Variants in EPB41L5 observed in about 807,000 individuals in gnomAD.
EPB41L5 encodes the protein band 4.1-like protein 5.
EPB41L5 carries 55 observed loss-of-function variants against 106.6 expected under a neutral mutation model. The observed-to-expected ratio is 0.52, with a 90% CI of 0.42 to 0.65. EPB41L5 has a LOEUF of 0.65. Among genes scored for constraint, EPB41L5 ranks in the 30% least tolerant of loss-of-function variants. The pLI, the probability that EPB41L5 is intolerant of heterozygous loss-of-function variation, is 0.00. For synonymous variants in EPB41L5, 297 were observed against 306.7 expected, an observed-to-expected ratio of 0.97 and a Z score of 0.33; for missense variants, 871 against 882.1, an observed-to-expected ratio of 0.99 and a Z score of 0.16.
chr2:120,069,052 C>T (rs1681661831), intron 3 of EPB41L5, among the ~76,000 whole-genome samples: 2 of 143,806 alleles, frequency 1.4e-5, no homozygotes, highest in South Asian at 4.5e-4. Flanking sequence ...CTCTTGAATC[C>T]AGGATGCAGA....
intron 18 of EPB41L5, among the ~76,000 whole-genome samples, chr2:120,140,936 A>T (rs1574744232): frequency 6.6e-6 from 1 of 152,092 alleles, no homozygotes; most frequent in South Asian, 2.1e-4. Context: ...ACCTACTGAA[A>T]ATAAAATACG....
chr2:120,040,243 T>G (rs957424959), intron 2 of EPB41L5, among the ~76,000 whole-genome samples: 1 of 152,080 alleles, frequency 6.6e-6, no homozygotes, highest in African/African-American at 2.4e-5. Flanking sequence ...GAGGTCCATA[T>G]AGAATACAAT....
intron 2 of EPB41L5, among the ~76,000 whole-genome samples, chr2:120,027,386 CGT>C (rs1353371173): frequency 3.9e-5 from 6 of 152,076 alleles, no homozygotes; most frequent in Non-Finnish European, 5.9e-5. Context: ...ACTGCTAAAA[CGT>C]AGATGAATTT....
At chr2:120,032,450 A>G (rs1181382933) in intron 2 of EPB41L5, among the ~76,000 whole-genome samples, 2 of 152,228 alleles carry the variant, frequency 1.3e-5, no homozygotes, top group Non-Finnish European at 2.9e-5. Flanking sequence ...AGGAACAGCT[A>G]GGAAGGACTA....
At position 120,177,028 on chromosome 2, in the gene EPB41L5, G is replaced by A. The variant is rs1437209562; in HGVS notation, c.*2121G>A. 6.6e-6 allele frequency: 1 copy of A among 152,168 alleles called. No individual in the cohort carries two copies. The highest frequency in any genetic ancestry group is 1.5e-5 in the Non-Finnish European group (1 of 68,042). 9.4% of individuals were successfully genotyped at this position (152,168 alleles called of 1,614,324 possible). On this transcript the variant is annotated 3_prime_UTR_variant, in exon 25 of 25. Coordinates refer to ENST00000263713, the MANE Select transcript of EPB41L5 (RefSeq NM_020909.4). ...TGCCCTGACATGAAGTGGCAAACAC[G>A]GAAGTTCATACTTGAATGCTGAATT...
chr2:120,154,758 C>G (rs1028260768), intron 20 of EPB41L5, among the ~76,000 whole-genome samples: 1 of 151,920 alleles, frequency 6.6e-6, no homozygotes, highest in Admixed American at 6.6e-5. Context: ...AACCCCGTCT[C>G]TGCTAAAAAT....
intron 13 of EPB41L5, among the ~76,000 whole-genome samples, chr2:120,092,766 T>A (rs1683499101): frequency 6.6e-6 from 1 of 152,222 alleles, no homozygotes; most frequent in Non-Finnish European, 1.5e-5. Context: ...AGTTTCCTCT[T>A]GGTTTCCACT....
At chr2:120,156,223 T>A (rs1421751205) in intron 20 of EPB41L5, among the ~76,000 whole-genome samples, 3 of 152,176 alleles carry the variant, frequency 2.0e-5, no homozygotes, top group Admixed American at 2.0e-4. Flanking sequence ...CTTGGTCTGA[T>A]GGTCCCCCAG....
At chr2:120,105,875 G>A (rs2105413129) in intron 16 of EPB41L5, 1 of 985,228 alleles carries the variant, frequency 1.0e-6, no homozygotes, top group Non-Finnish European at 1.2e-6. Context: ...GCTCTGGGTT[G>A]TGCCATTCAA....
intron 5 of EPB41L5, 179 bp downstream of exon 5, chr2:120,074,357 T>C (rs957267553): frequency 1.1e-5 from 6 of 530,348 alleles, no homozygotes; most frequent in Non-Finnish European, 3.3e-6. Context: ...TCTTTTCCTT[T>C]AGCATTTTCA....
chr2:120,151,026 T>G (rs575663094), intron 20 of EPB41L5, among the ~76,000 whole-genome samples: 2 of 152,340 alleles, frequency 1.3e-5, no homozygotes, highest in East Asian at 3.9e-4. Flanking sequence ...CTGTCTATTT[T>G]CAGTTAATTT....
At chr2:120,171,156 A>G (rs1350099679) in intron 24 of EPB41L5, among the ~76,000 whole-genome samples, 1 of 152,204 alleles carries the variant, frequency 6.6e-6, no homozygotes, top group African/African-American at 2.4e-5. Context: ...AGAGACCTCA[A>G]CAAGTTTTGG....
chr2:120,149,820 C>T (rs1300667020), intron 20 of EPB41L5, among the ~76,000 whole-genome samples: 2 of 151,986 alleles, frequency 1.3e-5, no homozygotes, highest in Admixed American at 6.6e-5. Context: ...ACAACCACTG[C>T]ACCATTTTCT....
intron 3 of EPB41L5, among the ~76,000 whole-genome samples, chr2:120,071,498 C>G (rs550832276): frequency 6.6e-6 from 1 of 152,170 alleles, no homozygotes; most frequent in East Asian, 1.9e-4. Context: ...AGAACGAAGC[C>G]GGAGGCATCA....
At chr2:120,146,663 T>C (rs570885797) in intron 20 of EPB41L5, among the ~76,000 whole-genome samples, 34 of 152,346 alleles carry the variant, frequency 2.2e-4, no homozygotes, top group African/African-American at 7.9e-4. Flanking sequence ...GTTCTCACAG[T>C]AATGTAGTTA....
At chr2:120,045,469 C>G (rs1216605868) in intron 3 of EPB41L5, among the ~76,000 whole-genome samples, 1 of 152,066 alleles carries the variant, frequency 6.6e-6, no homozygotes, top group Non-Finnish European at 1.5e-5. Context: ...CCCATCACAC[C>G]TGAATTCTTT....
chr2:120,014,173 C>T (rs1434313432), intron 1 of EPB41L5, among the ~76,000 whole-genome samples: 2 of 152,088 alleles, frequency 1.3e-5, no homozygotes, highest in African/African-American at 4.8e-5. Flanking sequence ...AATTAACCAA[C>T]CATATTGTGG....
intron 23 of EPB41L5, 57 bp downstream of exon 23, chr2:120,167,564 A>G: frequency 2.0e-6 from 3 of 1,529,046 alleles, no homozygotes; most frequent in Middle Eastern, 1.7e-4. Context: ...GTAAGGCCTA[A>G]AGGATTACTA....
chr2:120,110,032 G>T (rs1238441886), intron 16 of EPB41L5, among the ~76,000 whole-genome samples: 6 of 152,214 alleles, frequency 3.9e-5, no homozygotes. Flanking sequence ...AATTGGATGT[G>T]TCTTTTCAGA....
Sources: gnomAD v4.1 joint callset for allele counts (sites outside exome capture counted in the v4.1 genomes callset) on GRCh38, gnomAD v4.1.1 for gene constraint, MANE v1.5 for transcripts, NCBI Gene and HGNC (gene_info 2026-07-23, HGNC 2026-07-21) for gene names.